MAD1L1: variants seen among roughly 807,000 people sequenced by gnomAD.
The protein encoded by MAD1L1 is mitotic arrest deficient 1 like 1, also known as mitotic spindle assembly checkpoint protein MAD1.
Under a neutral mutation model 96.9 loss-of-function variants are expected in MAD1L1, and 95 were observed. The ratio of observed to expected loss-of-function variants is 0.98; its 90% CI spans 0.83 to 1.16. MAD1L1 has a LOEUF of 1.16. Among genes scored for constraint, MAD1L1 ranks in the 50% most tolerant of loss-of-function variants. The pLI, the probability that MAD1L1 is intolerant of heterozygous loss-of-function variation, is 0.00. For missense variants in MAD1L1, 1,007 were observed against 954.4 expected (o/e 1.06, Z -0.73); for synonymous variants, 473 against 396.6 (o/e 1.19, Z -2.29).
chr7:1,917,908 C>T (rs1475204954), intron 17 of MAD1L1, among the ~76,000 whole-genome samples: 8 of 152,164 alleles, frequency 5.3e-5, no homozygotes, highest in South Asian at 2.1e-4. Flanking sequence ...GAAGGGCTAG[C>T]GGGGACGGAG....
intron 11 of MAD1L1, among the ~76,000 whole-genome samples, chr7:2,143,953 A>T (rs572256650): frequency 6.6e-6 from 1 of 152,258 alleles, no homozygotes; most frequent in East Asian, 1.9e-4. Flanking sequence ...ATCGAGGAGG[A>T]TGCCTGGGGC....
chr7:1,868,332 C>T (rs572705577), intron 18 of MAD1L1, among the ~76,000 whole-genome samples: 2 of 152,200 alleles, frequency 1.3e-5, no homozygotes, highest in Non-Finnish European at 2.9e-5. Flanking sequence ...CTCCTGGGTA[C>T]TGTGGAGGCA....
chr7:2,141,311 T>C (rs1789020644), intron 11 of MAD1L1, among the ~76,000 whole-genome samples: 2 of 152,250 alleles, frequency 1.3e-5, no homozygotes, highest in African/African-American at 2.4e-5. Context: ...CACCCGACCA[T>C]GCCTGCTGAT....
intron 11 of MAD1L1, among the ~76,000 whole-genome samples, chr7:2,073,963 C>T (rs1039032952): frequency 6.6e-6 from 1 of 152,204 alleles, no homozygotes; most frequent in Non-Finnish European, 1.5e-5. Flanking sequence ...ATGGCTGACA[C>T]TGAAATCTTC....
chr7:2,143,836 G>A (rs1789161321), intron 11 of MAD1L1, among the ~76,000 whole-genome samples: 2 of 152,168 alleles, frequency 1.3e-5, no homozygotes, highest in Non-Finnish European at 2.9e-5. Context: ...ACAGAGGGGA[G>A]GCAGGGGAGG....
Position 1,885,482 on chromosome 7 carries a change from C to T in MAD1L1, c.1998+12718G>A, listed in dbSNP as rs372636555. The stretch of plus-strand genomic sequence containing the variant: ...GAGAGAAGTCCAGGGGGCTGGGCTG[C>T]GGGTGTGTGTGGGCCACAGGGGTGC... On this transcript the variant is annotated intron_variant, in intron 18 of 18. Transcript: ENST00000265854. Among the ~76,000 whole-genome samples, 538 of 107,234 alleles carry T rather than the reference C, an allele frequency of 5.0e-3. 1 individual carries two copies. Among genetic ancestry groups the T allele is most frequent in the Middle Eastern group, 0.02 (5 of 252 alleles). 70.3% of individuals were successfully genotyped at this position (107,234 alleles called of 152,430 possible). A position where few individuals can be genotyped will look rare whatever the true frequency, so the allele number is the denominator to read the frequency against.
intron 10 of MAD1L1, among the ~76,000 whole-genome samples, chr7:2,165,890 T>G (rs1790404849): frequency 6.6e-6 from 1 of 152,100 alleles, no homozygotes; most frequent in African/African-American, 2.4e-5. Flanking sequence ...GGCAGGTCTG[T>G]GTACGCAGAA....
intron 18 of MAD1L1, among the ~76,000 whole-genome samples, chr7:1,865,738 C>G (rs555268298): frequency 7.9e-5 from 12 of 152,386 alleles, no homozygotes; most frequent in African/African-American, 2.9e-4. Context: ...TCAGGACTGG[C>G]TGCCTTGGAG....
chr7:1,824,633 C>T (rs1039124939), intron 18 of MAD1L1, among the ~76,000 whole-genome samples: 4 of 152,186 alleles, frequency 2.6e-5, no homozygotes, highest in South Asian at 2.1e-4. Flanking sequence ...GAGGCTCCCC[C>T]ACCAGGACCC....
intron 18 of MAD1L1, among the ~76,000 whole-genome samples, chr7:1,859,757 T>G (rs554653470): frequency 1.3e-4 from 19 of 147,664 alleles, no homozygotes; most frequent in Admixed American, 6.0e-4. Flanking sequence ...CGGCCTCTGT[T>G]CCCTAGACCT....
At chr7:2,051,758 C>T (rs1223812106) in intron 12 of MAD1L1, among the ~76,000 whole-genome samples, 2 of 140,940 alleles carry the variant, frequency 1.4e-5, no homozygotes, top group Admixed American at 1.4e-4. Flanking sequence ...CCCCCACCAC[C>T]CCCACCAGCT....
intron 12 of MAD1L1, among the ~76,000 whole-genome samples, chr7:2,064,442 G>C (rs540703866): frequency 6.6e-6 from 1 of 152,234 alleles, no homozygotes; most frequent in Non-Finnish European, 1.5e-5. Flanking sequence ...CTCAGGAAGC[G>C]GCTCTGGCCC....
chr7:2,158,864 C>T (rs944551505), intron 10 of MAD1L1, among the ~76,000 whole-genome samples: 1 of 151,564 alleles, frequency 6.6e-6, no homozygotes, highest in Non-Finnish European at 1.5e-5. Flanking sequence ...CCTGAGGCTG[C>T]ACCTGCTGCA....
At chr7:1,881,156 C>A (rs117576939) in intron 18 of MAD1L1, among the ~76,000 whole-genome samples, 1 of 152,178 alleles carries the variant, frequency 6.6e-6, no homozygotes, top group Non-Finnish European at 1.5e-5. Flanking sequence ...CAGAATTACA[C>A]GAGATGAGCC....
intron 16 of MAD1L1, among the ~76,000 whole-genome samples, chr7:1,937,235 G>T (rs1051894074): frequency 6.6e-6 from 1 of 152,186 alleles, no homozygotes; most frequent in African/African-American, 2.4e-5. Flanking sequence ...CCGGGAGGGA[G>T]GCTTCCTCTC....
Position 2,213,228 on chromosome 7 carries a change from T to A in MAD1L1, c.970A>T (p.Met324Leu), listed in dbSNP as rs34057615. Residue 324 changes from methionine to leucine, a missense_variant, in exon 10 of 19, where the codon ATG becomes TTG. Met to Leu is a conservative substitution (Grantham distance 15). Transcript: ENST00000265854. ...CTTCCCTACCTGATGCTCAGGCCCATGGTCTGGTCCAGTCTCTCCCAGCTT... is the reference window on the plus strand; with the variant it reads ...CTTCCCTACCTGATGCTCAGGCCCAAGGTCTGGTCCAGTCTCTCCCAGCTT... The part of the protein sequence containing the change: ...LQSWERLDQT[M>L]GLSIRTPEDL... The A allele has an allele frequency of 1.7e-4, 270 of 1,614,148 alleles. No homozygotes were observed. The highest frequency in any genetic ancestry group is 1.5e-3 in the Middle Eastern group (9 of 6,062).
chr7:2,057,896 G>A (rs1172061918), intron 12 of MAD1L1, among the ~76,000 whole-genome samples: 3 of 152,228 alleles, frequency 2.0e-5, no homozygotes, highest in Non-Finnish European at 4.4e-5. Context: ...AAGGAGACAA[G>A]GTGCCTACTG....
At chr7:2,004,529 G>A (rs1353032463) in intron 13 of MAD1L1, among the ~76,000 whole-genome samples, 3 of 152,218 alleles carry the variant, frequency 2.0e-5, no homozygotes, top group Non-Finnish European at 2.9e-5. Flanking sequence ...GCAGGGCTGA[G>A]AGCTGTGCGC....
At chr7:2,141,993 G>A (rs3779000) in intron 11 of MAD1L1, among the ~76,000 whole-genome samples, 42,181 of 152,208 alleles carry the variant, frequency 0.28, 7,254 homozygotes, top group East Asian at 0.51. Context: ...CCGCACAGCC[G>A]TGAGCACAGA....
Sources: gnomAD v4.1 joint callset for allele counts (sites outside exome capture counted in the v4.1 genomes callset) on GRCh38, gnomAD v4.1.1 for gene constraint, MANE v1.5 for transcripts, NCBI Gene and HGNC (gene_info 2026-07-23, HGNC 2026-07-21) for gene names.